The following SCIN variants were observed in gnomAD, a reference collection of about 807,000 sequenced individuals.
The protein encoded by SCIN is scinderin.
In SCIN, 91 loss-of-function variants were observed where a neutral mutation model predicts 91.8. That is an observed-to-expected ratio of 0.99 (90% CI 0.84 to 1.18). The LOEUF is 1.18. Among genes scored for constraint, SCIN ranks in the 50% most tolerant of loss-of-function variants. SCIN has a pLI of 0.00. For missense variants in SCIN, 1,087 were observed against 863.9 expected (o/e 1.26, Z -3.24); for synonymous variants, 367 against 312.6 (o/e 1.17, Z -1.84).
At chr7:12,596,180 A>G (rs1782836962) in intron 3 of SCIN, 1 of 327,988 alleles carries the variant, frequency 3.0e-6, no homozygotes, top group Non-Finnish European at 6.0e-6. Flanking sequence ...CTTCATGTGC[A>G]GTGCCCTCCT....
chr7:12,659,830 G>T lies in SCIN; in HGVS notation c.*7115G>T. 5.8e-6 allele frequency: 1 copy of T among 172,634 alleles called. No individual in the cohort carries two copies. The highest frequency in any genetic ancestry group is 1.9e-4 in the South Asian group (1 of 5,292). The allele number at this position is 172,634 out of a possible 1,614,324, so 10.7% of individuals were successfully genotyped here. On this transcript the variant is annotated 3_prime_UTR_variant, in exon 16 of 16. Coordinates refer to ENST00000297029, the MANE Select transcript of SCIN (RefSeq NM_001112706.3). ...CAAGCTAAGCCATCATATCCCCTGT[G>T]ACCTGCACATATACATCCAGATGGC...
rs748190298 is a variant in SCIN at position 12,649,487 on chromosome 7, G to A, written c.1902G>A (p.Glu634=). 1.9e-6 allele frequency: 3 copies of A among 1,601,066 alleles called. No individual in the cohort carries two copies. In the African/African-American group the frequency reaches 4.0e-5, roughly 21 times the overall value. Residue 634 remains glutamate, a synonymous_variant, in exon 14 of 16, where the codon GAG becomes GAA. Coordinates refer to ENST00000297029, the MANE Select transcript of SCIN (RefSeq NM_001112706.3). ...GRFVIEEIPG[E]FTQDDLAEDD... The stretch of plus-strand genomic sequence containing the variant: ...TTCAGATTGAAGAGATTCCAGGAGA[G>A]TTCACCCAGGATGATTTAGCTGAAG...
intron 10 of SCIN, among the ~76,000 whole-genome samples, chr7:12,637,586 G>A (rs980175088): frequency 6.6e-6 from 1 of 151,638 alleles, no homozygotes; most frequent in Non-Finnish European, 1.5e-5. Flanking sequence ...AGAGGAGGGG[G>A]AAGAGAAGAG....
rs577683297 is a variant in SCIN at position 12,628,418 on chromosome 7, G to A, written c.1198-683G>A. Among the ~76,000 whole-genome samples the A allele has an allele frequency of 2.6e-5, 4 of 152,316 alleles. No individual in the cohort carries two copies. The South Asian group carries it at 8.3e-4, about 32-fold the overall frequency. On this transcript the variant is annotated intron_variant, in intron 8 of 15. Coordinates refer to ENST00000297029, the MANE Select transcript of SCIN (RefSeq NM_001112706.3). ...GTTTTGATGGGCTCAGTGTTTGGTG[G>A]AGGATCCACTTTCAGGTTCATAGAC...
At chr7:12,587,745 AG>A (rs1312741272) in intron 3 of SCIN, among the ~76,000 whole-genome samples, 1 of 152,188 alleles carries the variant, frequency 6.6e-6, no homozygotes, top group Non-Finnish European at 1.5e-5. Context: ...ATCAATTGGA[AG>A]GGAAGTGTGC....
chr7:12,648,258 TA>T (rs1411734046), intron 13 of SCIN, among the ~76,000 whole-genome samples: 1 of 151,698 alleles, frequency 6.6e-6, no homozygotes, highest in Non-Finnish European at 1.5e-5. Context: ...TTTGATTTAT[TA>T]AAATGACTAG....
rs754552649 is a variant in SCIN, at chr7:12,596,452, T to G, written c.517-8062T>G. ...GTGTGAACCTTCAGGAAATGGCCTC[T>G]TTCTGGTGCCAGCTGCCAATTTATC... On this transcript the variant is annotated intron_variant, in intron 3 of 15. Coordinates refer to ENST00000297029, the MANE Select transcript of SCIN (RefSeq NM_001112706.3). 1.2e-4 allele frequency: 54 copies of G among 456,142 alleles called. 2 individuals are homozygous for G. The highest frequency in any genetic ancestry group is 8.4e-4 in the South Asian group (54 of 64,576). 28.3% of individuals were successfully genotyped at this position (456,142 alleles called of 1,614,324 possible).
intron 9 of SCIN, 39 bp downstream of exon 9, chr7:12,629,261 G>T (rs1453484864): frequency 6.4e-7 from 1 of 1,571,642 alleles, no homozygotes; most frequent in Non-Finnish European, 8.6e-7. Context: ...TTCCACAGGA[G>T]CCAGATTTTG....
intron 4 of SCIN, among the ~76,000 whole-genome samples, chr7:12,613,587 G>T (rs1783240128): frequency 6.6e-6 from 1 of 152,126 alleles, no homozygotes; most frequent in Admixed American, 6.5e-5. Flanking sequence ...GTGCTTCCAA[G>T]TACTGTTTTT....
At position 12,640,250 on chromosome 7, in the gene SCIN, A is replaced by G. The variant is rs1783829504; in HGVS notation, c.1411-97A>G. 2.8e-6 allele frequency: 3 copies of G among 1,086,484 alleles called. No individual in the cohort carries two copies. In the South Asian group the frequency reaches 8.1e-5, roughly 29 times the overall value. The allele number at this position is 1,086,484 out of a possible 1,614,324, so 67.3% of individuals were successfully genotyped here. A position where few individuals can be genotyped will look rare whatever the true frequency, so the allele number is the denominator to read the frequency against. ...CTCTTGACTTTTTATTTTTTGTTTT[A>G]TTTTCAAAAAGACAACATAAGAACA... On this transcript the variant is annotated intron_variant, in intron 10 of 15. Coordinates refer to ENST00000297029, the MANE Select transcript of SCIN (RefSeq NM_001112706.3).
chr7:12,635,700 A>T (rs543809711), intron 9 of SCIN, among the ~76,000 whole-genome samples: 1 of 147,294 alleles, frequency 6.8e-6, no homozygotes, highest in East Asian at 2.0e-4. Context: ...TCGTATTTTC[A>T]TCTCAGATGG....
intron 2 of SCIN, among the ~76,000 whole-genome samples, chr7:12,578,909 G>GTTTTTTTTTGTTTTTTT (rs1782429183): frequency 2.3e-5 from 2 of 85,898 alleles, no homozygotes; most frequent in Non-Finnish European, 4.6e-5. Flanking sequence ...TATAGGACAG[G>GTTTTTTTTTGTTTTTTT]TTTTTTTTTT....
chr7:12,652,884 A>T lies in SCIN; in HGVS notation c.*169A>T, dbSNP rs756240589. On this transcript the variant is annotated 3_prime_UTR_variant, in exon 16 of 16. Transcript: ENST00000297029. ...TTTGAGAGGATGAGGTAGGCGGATC[A>T]CTGGGGTCAGGATTTCGAGACCAGC... The T allele has an allele frequency of 4.2e-5, 30 of 717,444 alleles. No individual in the cohort carries two copies. The highest frequency in any genetic ancestry group is 5.5e-5 in the Non-Finnish European group (25 of 458,492). The allele number at this position is 717,444 out of a possible 1,614,324, so 44.4% of individuals were successfully genotyped here.
At chr7:12,619,753 C>G (rs1291771414) in intron 4 of SCIN, among the ~76,000 whole-genome samples, 1 of 152,028 alleles carries the variant, frequency 6.6e-6, no homozygotes, top group Non-Finnish European at 1.5e-5. Flanking sequence ...CATTCAGCAT[C>G]TGAAGGGGAC....
At chr7:12,599,735 G>A (rs183447474) in intron 3 of SCIN, among the ~76,000 whole-genome samples, 20 of 151,682 alleles carry the variant, frequency 1.3e-4, no homozygotes, top group African/African-American at 2.4e-4. Context: ...AGGTGGTATC[G>A]CATTGTGATT....
At chr7:12,652,513 A>G in intron 15 of SCIN, 75 bp from the exon 16 acceptor site, 1 of 1,354,670 alleles carries the variant, frequency 7.4e-7, no homozygotes, top group South Asian at 1.3e-5. Context: ...CTTTTATTCG[A>G]AGAATTTTCA....
intron 1 of SCIN, chr7:12,571,566 C>CT (rs1379727670): frequency 2.1e-6 from 1 of 468,070 alleles, no homozygotes; most frequent in Non-Finnish European, 4.4e-6. Flanking sequence ...CACCATGCTG[C>CT]TTGTGGGTCT....
chr7:12,634,844 C>A (rs551380687), intron 9 of SCIN, among the ~76,000 whole-genome samples: 3 of 152,228 alleles, frequency 2.0e-5, no homozygotes, highest in South Asian at 4.1e-4. Context: ...GTTGATTGAC[C>A]CTTATCTGAG....
intron 11 of SCIN, among the ~76,000 whole-genome samples, chr7:12,642,202 C>T (rs1043115598): frequency 1.3e-5 from 2 of 152,002 alleles, no homozygotes; most frequent in African/African-American, 4.8e-5. Flanking sequence ...AATTCCTCCC[C>T]CACCCATCTG....
Sources: allele counts gnomAD v4.1 joint callset (sites outside exome capture counted in the v4.1 genomes callset), GRCh38; gene constraint gnomAD v4.1.1; transcripts MANE v1.5; gene names NCBI Gene and HGNC (gene_info 2026-07-23, HGNC 2026-07-21).